CEP128: variants seen among roughly 807,000 people sequenced by gnomAD.
CEP128 encodes the protein centrosomal protein 128, also known as centrosomal protein 128kDa.
CEP128 carries 132 observed loss-of-function variants against 156.7 expected under a neutral mutation model. The ratio of observed to expected loss-of-function variants is 0.84; its 90% CI spans 0.73 to 0.97. CEP128 has a LOEUF of 0.97. CEP128 is among the 50% of genes least tolerant of loss of function. The pLI is 0.00. For missense variants in CEP128, 1,252 were observed against 1,281.9 expected, an observed-to-expected ratio of 0.98 and a Z score of 0.36; for synonymous variants, 469 against 448.9, an observed-to-expected ratio of 1.04 and a Z score of -0.57.
At chr14:80,600,891 C>T (rs949482705) in intron 19 of CEP128, among the ~76,000 whole-genome samples, 15 of 147,908 alleles carry the variant, frequency 1.0e-4, no homozygotes, top group African/African-American at 3.0e-4. Context: ...AACAGAATTA[C>T]GGAAGAGCAA....
At chr14:80,755,823 G>C (rs1899629425) in intron 18 of CEP128, among the ~76,000 whole-genome samples, 2 of 152,170 alleles carry the variant, frequency 1.3e-5, no homozygotes, top group African/African-American at 4.8e-5. Flanking sequence ...GTTGGTCAGT[G>C]TGGTATTTTT....
intron 19 of CEP128, among the ~76,000 whole-genome samples, chr14:80,647,937 T>C (rs1489291880): frequency 1.3e-5 from 2 of 152,072 alleles, no homozygotes; most frequent in African/African-American, 2.4e-5. Context: ...AAGCAGAGTA[T>C]ATGGAAAATT....
intron 9 of CEP128, among the ~76,000 whole-genome samples, chr14:80,852,939 A>C (rs577415360): frequency 6.6e-6 from 1 of 151,942 alleles, no homozygotes; most frequent in African/African-American, 2.4e-5. Context: ...TGTATAAAAA[A>C]AAATTATAAT....
chr14:80,643,034 G>A (rs1034096417), intron 19 of CEP128, among the ~76,000 whole-genome samples: 3 of 152,096 alleles, frequency 2.0e-5, no homozygotes, highest in Admixed American at 6.5e-5. Flanking sequence ...GATTACAGGC[G>A]TGAGCCACCG....
intron 20 of CEP128, among the ~76,000 whole-genome samples, chr14:80,572,325 G>A (rs1292029511): frequency 2.0e-5 from 3 of 152,092 alleles, no homozygotes; most frequent in African/African-American, 7.2e-5. Flanking sequence ...TCAGAGATTT[G>A]TTTCATGAGT....
chr14:80,572,086 C>T (rs1195669538), intron 20 of CEP128, among the ~76,000 whole-genome samples: 4 of 152,222 alleles, frequency 2.6e-5, no homozygotes, highest in Non-Finnish European at 5.9e-5. Flanking sequence ...CAGACCATCA[C>T]CCTTTGGGCT....
intron 13 of CEP128, among the ~76,000 whole-genome samples, chr14:80,818,345 T>C (rs927833534): frequency 6.6e-6 from 1 of 152,224 alleles, no homozygotes; most frequent in African/African-American, 2.4e-5. Context: ...CCAGCAAAAC[T>C]ATCCTTTAAA....
intron 9 of CEP128, among the ~76,000 whole-genome samples, chr14:80,842,974 C>G (rs1886414673): frequency 6.6e-6 from 1 of 151,770 alleles, no homozygotes; most frequent in African/African-American, 2.4e-5. Context: ...TTAAGTGTGT[C>G]ATATCGTGTA....
intron 21 of CEP128, among the ~76,000 whole-genome samples, chr14:80,552,480 G>T (rs1890250519): frequency 6.6e-6 from 1 of 152,060 alleles, no homozygotes; most frequent in Non-Finnish European, 1.5e-5. Context: ...TTACTGTTGG[G>T]GTCAGGATTA....
chr14:80,775,668 C>A (rs1430151066), intron 16 of CEP128, among the ~76,000 whole-genome samples: 1 of 152,148 alleles, frequency 6.6e-6, no homozygotes, highest in Non-Finnish European at 1.5e-5. Flanking sequence ...CAACATCCAG[C>A]ACAATGCCTG....
At chr14:80,544,487 G>A (rs1423148410) in intron 21 of CEP128, among the ~76,000 whole-genome samples, 1 of 152,044 alleles carries the variant, frequency 6.6e-6, no homozygotes, top group Non-Finnish European at 1.5e-5. Flanking sequence ...CATCTCTCTA[G>A]TATCTTTTGC....
chr14:80,721,468 C>T (rs1286880821), intron 19 of CEP128, among the ~76,000 whole-genome samples: 1 of 152,052 alleles, frequency 6.6e-6, no homozygotes, highest in African/African-American at 2.4e-5. Context: ...TTTGGCATCT[C>T]AGTTGAAAAA....
intron 19 of CEP128, among the ~76,000 whole-genome samples, chr14:80,617,664 T>C (rs1389091039): frequency 6.6e-6 from 1 of 152,172 alleles, no homozygotes; most frequent in Non-Finnish European, 1.5e-5. Flanking sequence ...TGTTTTTGGC[T>C]GGGAGCATTG....
At chr14:80,595,045 T>C (rs1183426148) in intron 19 of CEP128, among the ~76,000 whole-genome samples, 1 of 152,138 alleles carries the variant, frequency 6.6e-6, no homozygotes, top group East Asian at 1.9e-4. Flanking sequence ...TGCAGCACTA[T>C]TCACAATAGC....
chr14:80,854,878 TAA>T (rs1887068609), intron 9 of CEP128, among the ~76,000 whole-genome samples: 1 of 151,450 alleles, frequency 6.6e-6, no homozygotes, highest in African/African-American at 2.4e-5. Flanking sequence ...TAGGTAAAAT[TAA>T]AAGAGAGAAC....
At chr14:80,543,082 G>A (rs1189131022) in intron 21 of CEP128, among the ~76,000 whole-genome samples, 2 of 152,158 alleles carry the variant, frequency 1.3e-5, no homozygotes, top group African/African-American at 2.4e-5. Context: ...CTTGTGACAG[G>A]CAGATCAGAT....
intron 23 of CEP128, among the ~76,000 whole-genome samples, chr14:80,516,106 G>T (rs1490288598): frequency 6.6e-6 from 1 of 152,128 alleles, no homozygotes; most frequent in Non-Finnish European, 1.5e-5. Flanking sequence ...GACCTCAGGT[G>T]ATTTGCACAC....
intron 20 of CEP128, among the ~76,000 whole-genome samples, chr14:80,577,685 C>T (rs778580385): frequency 1.9e-4 from 29 of 152,272 alleles, no homozygotes; most frequent in South Asian, 1.9e-3. Flanking sequence ...TTATTTTTCA[C>T]GTTACAGCCA....
Position 80,580,385 on chromosome 14 carries a change from C to T in CEP128, c.2845G>A (p.Gly949Arg). 3.1e-6 allele frequency: 5 copies of T among 1,598,758 alleles called. No homozygotes were observed. The highest frequency in any genetic ancestry group is 3.4e-6 in the Non-Finnish European group (4 of 1,168,128). Residue 949 changes from glycine to arginine, a missense_variant, in exon 20 of 25, where the codon GGA becomes AGA. By Grantham distance (125) the Gly-to-Arg change is moderately radical (BLOSUM62 -2). Transcript: ENST00000555265. Reference sequence around the variant, plus strand: ...ATTTAAGAATTTACCTGCAGAGATCCCATTTCTTCATCTTTTCTTTGGGTC... The same window carrying T: ...ATTTAAGAATTTACCTGCAGAGATCTCATTTCTTCATCTTTTCTTTGGGTC... Reference protein sequence around the residue: ...EETQRKDEEMGSLQDRVIALE... With the variant: ...EETQRKDEEMRSLQDRVIALE...
Sources: gnomAD v4.1 joint callset for allele counts (sites outside exome capture counted in the v4.1 genomes callset) on GRCh38, gnomAD v4.1.1 for gene constraint, MANE v1.5 for transcripts, NCBI Gene and HGNC (gene_info 2026-07-23, HGNC 2026-07-21) for gene names.